Variants in RASA1 observed in about 807,000 individuals in gnomAD.
The protein encoded by RASA1 is RAS p21 protein activator 1, also known as ras GTPase-activating protein 1.
In RASA1, 25 loss-of-function variants were observed where a neutral mutation model predicts 132.2. The ratio of observed to expected loss-of-function variants is 0.19; its 90% CI spans 0.14 to 0.26. RASA1 has a LOEUF of 0.26. RASA1 is among the 10% of genes least tolerant of loss of function. RASA1 has a pLI of 1.00. For missense variants in RASA1, 964 were observed against 1,299.2 expected (o/e 0.74, Z 3.97); for synonymous variants, 477 against 449.9 (o/e 1.06, Z -0.76).
chr5:87,313,307 TC>T (rs1006768243), intron 1 of RASA1, among the ~76,000 whole-genome samples: 1 of 152,166 alleles, frequency 6.6e-6, no homozygotes, highest in Non-Finnish European at 1.5e-5. Context: ...GTATAGGTAT[TC>T]CTTGAAGGGA....
At chr5:87,346,628 C>CA (rs1252745709) in intron 6 of RASA1, 44 bp from the exon 7 acceptor site, 1 of 1,299,512 alleles carries the variant, frequency 7.7e-7, no homozygotes, top group South Asian at 1.3e-5. Context: ...ATGATAACAG[C>CA]AAAAAGGACT....
intron 1 of RASA1, among the ~76,000 whole-genome samples, chr5:87,273,830 C>T (rs1346447886): frequency 6.6e-6 from 1 of 151,496 alleles, no homozygotes; most frequent in African/African-American, 2.4e-5. Flanking sequence ...CCCCAGTAGC[C>T]GGGGTTACAG....
chr5:87,314,935 C>T (rs935415037), intron 1 of RASA1, among the ~76,000 whole-genome samples: 3 of 152,124 alleles, frequency 2.0e-5, no homozygotes, highest in South Asian at 2.1e-4. Context: ...AAGTGACACC[C>T]CCATCTTTAA....
intron 1 of RASA1, among the ~76,000 whole-genome samples, chr5:87,292,775 G>A (rs1045178141): frequency 2.6e-5 from 4 of 152,144 alleles, no homozygotes; most frequent in African/African-American, 9.7e-5. Flanking sequence ...TCTTATTCAT[G>A]AACTTGGAGT....
chr5:87,390,633 A>G (rs1762440784), intron 24 of RASA1, among the ~76,000 whole-genome samples, 167 bp from the exon 25 acceptor site: 1 of 152,210 alleles, frequency 6.6e-6, no homozygotes, highest in Admixed American at 6.5e-5. Flanking sequence ...TATGACCAGA[A>G]ATACTCAGCC....
chr5:87,293,164 G>GT, intron 1 of RASA1, among the ~76,000 whole-genome samples: 1 of 151,826 alleles, frequency 6.6e-6, no homozygotes, highest in South Asian at 2.1e-4. Flanking sequence ...GTAAGAGGAG[G>GT]TGTCCTTGCA....
At chr5:87,273,915 C>G (rs1397849895) in intron 1 of RASA1, among the ~76,000 whole-genome samples, 1 of 152,158 alleles carries the variant, frequency 6.6e-6, no homozygotes, top group Non-Finnish European at 1.5e-5. Context: ...CCAGGCTGGT[C>G]TCGAACTCCT....
At position 87,391,024 on chromosome 5, in the gene RASA1, C is replaced by G; in HGVS notation, c.*141C>G. 1.2e-6 allele frequency: 1 copy of G among 833,768 alleles called. No homozygotes were observed. The highest frequency in any genetic ancestry group is 1.4e-5 in the South Asian group (1 of 69,422). 51.6% of individuals were successfully genotyped at this position (833,768 alleles called of 1,614,324 possible). A position where few individuals can be genotyped will look rare whatever the true frequency, so the allele number is the denominator to read the frequency against. ...ATGTGTGAGCTATGCAAACAAAATC[C>G]AAGATTCTGCTGGTGAATAACTATG... On this transcript the variant is annotated 3_prime_UTR_variant, in exon 25 of 25. Coordinates refer to ENST00000274376, the MANE Select transcript of RASA1 (RefSeq NM_002890.3).
intron 1 of RASA1, among the ~76,000 whole-genome samples, chr5:87,319,333 A>G (rs993230365): frequency 1.3e-5 from 2 of 152,152 alleles, no homozygotes; most frequent in African/African-American, 4.8e-5. Flanking sequence ...CCAGTCCCAC[A>G]TTTCCCCCTC....
intron 9 of RASA1, among the ~76,000 whole-genome samples, chr5:87,359,150 C>T (rs1759880463): frequency 6.6e-6 from 1 of 152,132 alleles, no homozygotes; most frequent in Non-Finnish European, 1.5e-5. Context: ...TGAGACTCAA[C>T]ATTTATTGAA....
rs560603327 is a variant in RASA1, at chr5:87,274,967, G to T, written c.539+5977G>T. On this transcript the variant is annotated intron_variant, in intron 1 of 24. Coordinates refer to ENST00000274376, the MANE Select transcript of RASA1 (RefSeq NM_002890.3). ...GACGGTGATGTCTGTAGTGACTGAG[G>T]TACAGAGCACAGTTGAATGCTAGAA... 3.3e-5 allele frequency among the ~76,000 whole-genome samples: 5 copies of T among 152,300 alleles called. 1 individual carries two copies. In the South Asian group the frequency reaches 1.0e-3, roughly 32 times the overall value.
chr5:87,352,710 T>C (rs1759363826), intron 8 of RASA1, among the ~76,000 whole-genome samples: 1 of 151,822 alleles, frequency 6.6e-6, no homozygotes, highest in Non-Finnish European at 1.5e-5. Context: ...CTGTTTCTGA[T>C]ATAAAACCAG....
At chr5:87,314,200 A>G (rs892392544) in intron 1 of RASA1, among the ~76,000 whole-genome samples, 3 of 152,076 alleles carry the variant, frequency 2.0e-5, no homozygotes, top group Non-Finnish European at 2.9e-5. Context: ...AAAAATAAAA[A>G]AATAAAGAAA....
chr5:87,339,681 A>T (rs926971088), intron 5 of RASA1, among the ~76,000 whole-genome samples: 1 of 152,186 alleles, frequency 6.6e-6, no homozygotes, highest in Non-Finnish European at 1.5e-5. Context: ...TCACATCAGT[A>T]CAAGGGATCA....
intron 1 of RASA1, among the ~76,000 whole-genome samples, chr5:87,322,726 T>C (rs1298726850): frequency 6.6e-6 from 1 of 152,178 alleles, no homozygotes; most frequent in Non-Finnish European, 1.5e-5. Flanking sequence ...CAAGACAGAC[T>C]AACACAAAGG....
chr5:87,288,624 C>CT (rs953023867), intron 1 of RASA1, among the ~76,000 whole-genome samples: 37 of 151,890 alleles, frequency 2.4e-4, no homozygotes, highest in African/African-American at 4.8e-5. Context: ...AGTGAGTGGG[C>CT]TTTTTTTAGC....
At chr5:87,319,203 C>A (rs1274853980) in intron 1 of RASA1, among the ~76,000 whole-genome samples, 1 of 152,246 alleles carries the variant, frequency 6.6e-6, no homozygotes, top group African/African-American at 2.4e-5. Flanking sequence ...GTGCCTGCAA[C>A]TTTTGCAGGC....
chr5:87,269,352 T>C (rs1753722942), intron 1 of RASA1: 7 of 1,501,990 alleles, frequency 4.7e-6, no homozygotes, highest in Non-Finnish European at 6.3e-6. Flanking sequence ...TTAACTTGTG[T>C]GTGTTACTTG....
chr5:87,379,877 A>T (rs767732982), intron 19 of RASA1, 27 bp downstream of exon 19: 2 of 1,603,408 alleles, frequency 1.2e-6, no homozygotes, highest in East Asian at 4.5e-5. Flanking sequence ...TCATTTGACA[A>T]GAAATTGTGT....
Sources: allele counts gnomAD v4.1 joint callset (sites outside exome capture counted in the v4.1 genomes callset), GRCh38; gene constraint gnomAD v4.1.1; transcripts MANE v1.5; gene names NCBI Gene and HGNC (gene_info 2026-07-23, HGNC 2026-07-21).